ZFP92: variants seen among roughly 807,000 people sequenced by gnomAD.
ZFP92 encodes zinc finger protein 92 homolog.
A neutral mutation model predicts 7.6 loss-of-function variants in ZFP92; 2 were observed. The observed-to-expected ratio is 0.26, with a 90% CI of 0.11 to 0.83. The LOEUF is 0.83. Ranked by LOEUF, ZFP92 falls within the 40% of genes least tolerant of loss-of-function variation. The probability of loss-of-function intolerance (pLI) is 0.65; values close to 1 mark genes in which losing one functional copy is unlikely to be tolerated. For missense variants in ZFP92, 324 were observed against 408.3 expected, an observed-to-expected ratio of 0.79 and a Z score of 1.78; for synonymous variants, 226 against 183.6, an observed-to-expected ratio of 1.23 and a Z score of -1.87.
chrX:153,420,539 G>A (rs2088989647), intron 5 of ZFP92, 104 bp from the exon 6 acceptor site: 3 of 1,064,770 alleles, frequency 2.8e-6, no homozygotes, highest in Non-Finnish European at 2.5e-6. Context: ...ATGGCTTTCT[G>A]TTCTGTGGTC....
In ZFP92 at chrX:153,421,210, A is replaced by C. The variant is rs1556975034; in HGVS notation, c.833A>C (p.Asn278Thr). 4 of 1,182,193 alleles carry C rather than the reference A, an allele frequency of 3.4e-6. No individual in the cohort carries two copies. The highest frequency in any genetic ancestry group is 4.5e-6 in the Non-Finnish European group (4 of 881,775). Residue 278 changes from asparagine (N) to threonine (T), a missense_variant, in exon 6 of 6, where the codon AAC (asparagine) becomes ACC (threonine). Asn to Thr is a moderately conservative substitution (Grantham distance 65). Transcript: ENST00000338647. ...GGCAAGGCCTTCAGCCGCAGCTCCA[A>C]CCTCATCGAGCACCAGCGCACGCAC... ...ECGKAFSRSS[N>T]LIEHQRTHRG...
chrX:153,420,743 G>A lies in ZFP92; in HGVS notation c.366G>A (p.Ala122=), dbSNP rs1556974762. ...DPQGGKEGQA[A]RSSVLQRGAQ... ...AAGGTGGCAAGGAGGGGCAGGCGGCGAGGTCGTCTGTGCTCCAGAGAGGTG... is the reference window on the plus strand; with the variant it reads ...AAGGTGGCAAGGAGGGGCAGGCGGCAAGGTCGTCTGTGCTCCAGAGAGGTG... The change falls in exon 6 of 6, where the codon GCG becomes GCA. Residue 122 remains alanine (A), a synonymous_variant. Transcript: ENST00000338647. 3.5e-6 allele frequency: 4 copies of A among 1,158,954 alleles called. No individual in the cohort carries two copies. The highest frequency in any genetic ancestry group is 2.6e-5 in the Admixed American group (1 of 37,940).
chrX:153,418,889 T>G, intron 4 of ZFP92, 90 bp downstream of exon 4: 2 of 1,074,514 alleles, frequency 1.9e-6, no homozygotes, highest in Non-Finnish European at 1.2e-6. Flanking sequence ...GTTTGTCGGT[T>G]GCTATGAGCC....
Position 153,423,615 on chromosome X carries a change from T to A in ZFP92, c.*1987T>A, listed in dbSNP as rs1556975899. On this transcript the variant is annotated 3_prime_UTR_variant, in exon 6 of 6. Coordinates refer to ENST00000338647, the MANE Select transcript of ZFP92 (RefSeq NM_001136273.2). ...TCCTTGATGCCAAGCCCGGTGCTGG[T>A]AATCAGTAAGCATGAGTGAAATAGG... is the stretch of plus-strand genomic sequence containing the variant. The A allele has an allele frequency of 8.8e-6, 1 of 113,121 alleles. No individual in the cohort carries two copies. The highest frequency in any genetic ancestry group is 1.9e-5 in the Non-Finnish European group (1 of 53,395). The allele number at this position is 113,121 out of a possible 1,213,427, so 9.3% of individuals were successfully genotyped here.
intron 2 of ZFP92, among the ~76,000 whole-genome samples, chrX:153,414,947 G>A (rs1255777897): frequency 6.2e-5 from 7 of 113,640 alleles, no homozygotes; most frequent in African/African-American, 2.2e-4. Flanking sequence ...CTGAACGAGA[G>A]AAGGCTGCCA....
At chrX:153,412,891 C>T (rs2088920340) in intron 2 of ZFP92, among the ~76,000 whole-genome samples, 1 of 112,220 alleles carries the variant, frequency 8.9e-6, no homozygotes, top group Non-Finnish European at 1.9e-5. Flanking sequence ...CCCCTTTTGG[C>T]TAGGTTACCC....
chrX:153,417,368 C>T (rs888600904), intron 2 of ZFP92, among the ~76,000 whole-genome samples: 1 of 112,426 alleles, frequency 8.9e-6, no homozygotes, highest in Admixed American at 9.4e-5. Flanking sequence ...CTCTTTGCCA[C>T]TTGCAGCCTC....
In ZFP92 at chrX:153,411,537, C is replaced by A. The variant is rs1158646280; in HGVS notation, c.-234C>A. Reference sequence around the variant, plus strand: ...TCCCCTTCAGGACGCTCTTCGCGAGCGGTACCCAGAGGCGAAGTCGAGACA... The same window carrying A: ...TCCCCTTCAGGACGCTCTTCGCGAGAGGTACCCAGAGGCGAAGTCGAGACA... On this transcript the variant is annotated 5_prime_UTR_variant, in exon 1 of 6. Coordinates refer to ENST00000338647, the MANE Select transcript of ZFP92 (RefSeq NM_001136273.2). 8.9e-6 allele frequency among the ~76,000 whole-genome samples: 1 copy of A among 112,753 alleles called. No individual in the cohort carries two copies. Among genetic ancestry groups the A allele is most frequent in the African/African-American group, 3.2e-5 (1 of 31,108 alleles).
chrX:153,424,492 C>T lies in ZFP92; in HGVS notation c.*2864C>T, dbSNP rs1556976061. The T allele has an allele frequency of 8.9e-6, 1 of 112,097 alleles. No individual in the cohort carries two copies. Among genetic ancestry groups the T allele is most frequent in the Admixed American group, 9.4e-5 (1 of 10,606 alleles). The allele number at this position is 112,097 out of a possible 1,213,427, so 9.2% of individuals were successfully genotyped here. A position where few individuals can be genotyped will look rare whatever the true frequency, so the allele number is the denominator to read the frequency against. On this transcript the variant is annotated 3_prime_UTR_variant, in exon 6 of 6. Transcript: ENST00000338647. The stretch of plus-strand genomic sequence containing the variant: ...CAATGGTGCCTTGAAATTGGGCTCC[C>T]TCCCTCTTGCTGTGTGGGGAACTGG...
rs1423574129 is a variant in ZFP92, at chrX:153,421,505, G to A, written c.1128G>A (p.Ala376=). The change falls in exon 6 of 6, where the codon GCG becomes GCA. Residue 376 remains alanine, a synonymous_variant. Coordinates refer to ENST00000338647, the MANE Select transcript of ZFP92 (RefSeq NM_001136273.2). ...CAGTGCACGGCGCCAGGCGCCCTGC[G>A]AAGGCGGAGACGGCGCGGAGGCTAG... ...HQAVHGARRP[A]KAETARRLAG... 6.1e-6 allele frequency: 7 copies of A among 1,143,383 alleles called. No individual in the cohort carries two copies. The highest frequency in any genetic ancestry group is 1.8e-5 in the African/African-American group (1 of 55,118). The allele number at this position is 1,143,383 out of a possible 1,213,427, so 94.2% of individuals were successfully genotyped here.
In ZFP92 at chrX:153,420,927, G is replaced by A; in HGVS notation, c.550G>A (p.Glu184Lys). ...HSGEKPYACPECGKLFRRSFA... is the reference protein window; with the variant it reads ...HSGEKPYACPKCGKLFRRSFA... ...TGGCGAGAAGCCTTACGCGTGCCCC[G>A]AGTGCGGCAAGCTGTTTCGCCGCAG... Residue 184 changes from glutamate to lysine, a missense_variant, in exon 6 of 6, where the codon GAG becomes AAG. Coordinates refer to ENST00000338647, the MANE Select transcript of ZFP92 (RefSeq NM_001136273.2). The A allele has an allele frequency of 8.4e-7, 1 of 1,190,442 alleles. No individual in the cohort carries two copies. The highest frequency in any genetic ancestry group is 2.4e-5 in the Admixed American group (1 of 42,350).
chrX:153,412,150 G>T (rs1209744129), intron 2 of ZFP92, among the ~76,000 whole-genome samples, 137 bp downstream of exon 2: 1 of 112,785 alleles, frequency 8.9e-6, no homozygotes, highest in Non-Finnish European at 1.9e-5. Context: ...GCTCCAGAGG[G>T]TATCAGGTGG....
chrX:153,415,891 C>T (rs781911702), intron 2 of ZFP92, among the ~76,000 whole-genome samples: 8 of 111,264 alleles, frequency 7.2e-5, no homozygotes, highest in South Asian at 3.8e-4. Flanking sequence ...TACTTCCTTC[C>T]GAGGGCCACC....
At position 153,421,853 on chromosome X, in the gene ZFP92, T is replaced by C; in HGVS notation, c.*225T>C. ...GAGGACTGCCGCCTGCCCTGGCTCC[T>C]CCATCAACGGCAGTGCGGGCTGGGA... On this transcript the variant is annotated 3_prime_UTR_variant, in exon 6 of 6. Coordinates refer to ENST00000338647, the MANE Select transcript of ZFP92 (RefSeq NM_001136273.2). 3.0e-6 allele frequency: 1 copy of C among 334,330 alleles called. No individual in the cohort carries two copies. Among genetic ancestry groups the C allele is most frequent in the Non-Finnish European group, 4.4e-6 (1 of 224,843 alleles). 27.6% of individuals were successfully genotyped at this position (334,330 alleles called of 1,213,427 possible). A position where few individuals can be genotyped will look rare whatever the true frequency, so the allele number is the denominator to read the frequency against.
chrX:153,418,542 G>C, intron 3 of ZFP92, 131 bp from the exon 4 acceptor site: 2 of 1,004,681 alleles, frequency 2.0e-6, no homozygotes, highest in Non-Finnish European at 2.7e-6. Flanking sequence ...CTTACAACTC[G>C]TGCAACCCGA....
In ZFP92 at chrX:153,422,789, G is replaced by A. The variant is rs1446542657; in HGVS notation, c.*1161G>A. 3 of 112,601 alleles carry A rather than the reference G, an allele frequency of 2.7e-5. No homozygotes were observed. The highest frequency in any genetic ancestry group is 5.6e-5 in the Non-Finnish European group (3 of 53,300). The allele number at this position is 112,601 out of a possible 1,213,427, so 9.3% of individuals were successfully genotyped here. A position where few individuals can be genotyped will look rare whatever the true frequency, so the allele number is the denominator to read the frequency against. ...TTGCTTTGATTGTTTTTGTATTCAG[G>A]GGTAATGTATATTGAAAATAGAGAT... is the stretch of plus-strand genomic sequence containing the variant. On this transcript the variant is annotated 3_prime_UTR_variant, in exon 6 of 6. Coordinates refer to ENST00000338647, the MANE Select transcript of ZFP92 (RefSeq NM_001136273.2).
intron 3 of ZFP92, 101 bp downstream of exon 3, chrX:153,418,456 T>C (rs1556974282): frequency 1.9e-6 from 2 of 1,054,339 alleles, no homozygotes; most frequent in Middle Eastern, 2.7e-4. Flanking sequence ...TAGGCTGCCC[T>C]TAGCATCGTT....
chrX:153,421,240 G>T lies in ZFP92; in HGVS notation c.863G>T (p.Gly288Val). ...NLIEHQRTHR[G>V]EKPYACGQCA... ...ATCGAGCACCAGCGCACGCACCGCG[G>T]CGAGAAGCCCTACGCCTGCGGCCAG... Residue 288 changes from glycine (G) to valine (V), a missense_variant, in exon 6 of 6, where the codon GGC becomes GTC. Coordinates refer to ENST00000338647, the MANE Select transcript of ZFP92 (RefSeq NM_001136273.2). The T allele has an allele frequency of 8.5e-7, 1 of 1,179,377 alleles. No individual in the cohort carries two copies. The highest frequency in any genetic ancestry group is 2.4e-5 in the Admixed American group (1 of 40,991).
intron 3 of ZFP92, 88 bp from the exon 4 acceptor site, chrX:153,418,585 C>A: frequency 8.9e-7 from 1 of 1,124,052 alleles, no homozygotes; most frequent in South Asian, 2.1e-5. Flanking sequence ...CCAGGGCTCC[C>A]CCCGCCCCCC....
Sources: gnomAD v4.1 joint callset for allele counts (sites outside exome capture counted in the v4.1 genomes callset) on GRCh38, gnomAD v4.1.1 for gene constraint, MANE v1.5 for transcripts, NCBI Gene and HGNC (gene_info 2026-07-23, HGNC 2026-07-21) for gene names.